Variants in GRID1 observed in about 807,000 individuals in gnomAD.
GRID1 encodes glutamate receptor ionotropic, delta-1.
In GRID1, 28 loss-of-function variants were observed where a neutral mutation model predicts 98.0. The ratio of observed to expected loss-of-function variants is 0.29; its 90% confidence interval spans 0.21 to 0.39. The LOEUF (loss-of-function observed/expected upper bound fraction) is 0.39. Ranked by LOEUF, GRID1 falls within the 10% of genes least tolerant of loss-of-function variation. The probability of loss-of-function intolerance (pLI) is 1.00; values close to 1 mark genes in which losing one functional copy is unlikely to be tolerated. For synonymous variants in GRID1, 553 were observed against 538.5 expected (o/e 1.03, Z -0.37); for missense variants, 1,111 against 1,340.5 (o/e 0.83, Z 2.67).
At chr10:86,289,524 A>G (rs551810025) in intron 2 of GRID1, among the ~76,000 whole-genome samples, 110 of 147,310 alleles carry the variant, frequency 7.5e-4, no homozygotes, top group Admixed American at 1.7e-3. Context: ...CATGCCCCCA[A>G]CTGCCCCGTG....
chr10:86,331,246 C>T (rs1848137185), intron 2 of GRID1, among the ~76,000 whole-genome samples: 1 of 152,196 alleles, frequency 6.6e-6, no homozygotes, highest in Non-Finnish European at 1.5e-5. Flanking sequence ...TTAAGTGGCT[C>T]CTAGGTTCTC....
chr10:85,642,658 A>G (rs1369051141), intron 13 of GRID1, among the ~76,000 whole-genome samples: 1 of 152,204 alleles, frequency 6.6e-6, no homozygotes, highest in Non-Finnish European at 1.5e-5. Context: ...ATAAATAAAA[A>G]TTCCCTCCTG....
intron 8 of GRID1, among the ~76,000 whole-genome samples, chr10:85,785,981 CACAG>C (rs1429646329): frequency 6.6e-6 from 1 of 151,924 alleles, no homozygotes; most frequent in African/African-American, 2.4e-5. Context: ...CCACACACTA[CACAG>C]ACACACACAC....
intron 4 of GRID1, among the ~76,000 whole-genome samples, chr10:86,131,214 C>T (rs80048129): frequency 0.055 from 8,380 of 152,188 alleles, 300 homozygotes; most frequent in East Asian, 0.13. Flanking sequence ...ACAGCTTCCC[C>T]GCTGAGCTCC....
At chr10:86,273,902 A>G (rs1847226496) in intron 2 of GRID1, among the ~76,000 whole-genome samples, 1 of 151,660 alleles carries the variant, frequency 6.6e-6, no homozygotes, top group South Asian at 2.1e-4. Context: ...GCTGTGCAGA[A>G]GCTCTTTAGT....
chr10:85,804,689 T>C (rs2132756544), intron 8 of GRID1, among the ~76,000 whole-genome samples: 2 of 151,902 alleles, frequency 1.3e-5, no homozygotes, highest in South Asian at 2.1e-4. Context: ...AAAAAATCAG[T>C]CAATATAATT....
At chr10:86,049,552 C>T (rs955464122) in intron 4 of GRID1, among the ~76,000 whole-genome samples, 3 of 152,202 alleles carry the variant, frequency 2.0e-5, no homozygotes, top group African/African-American at 4.8e-5. Context: ...TGCTTAATCC[C>T]TGGATAAGGC....
chr10:86,168,907 A>T (rs578029398), intron 3 of GRID1, among the ~76,000 whole-genome samples: 8 of 152,170 alleles, frequency 5.3e-5, no homozygotes, highest in Non-Finnish European at 1.0e-4. Flanking sequence ...TATGAGCTGG[A>T]CCTTGTGAGT....
At chr10:85,889,767 A>C (rs1176790139) in intron 5 of GRID1, among the ~76,000 whole-genome samples, 1 of 152,326 alleles carries the variant, frequency 6.6e-6, no homozygotes, top group Non-Finnish European at 1.5e-5. Flanking sequence ...ACTGTTTTCC[A>C]TAATGATTGT....
chr10:85,768,394 G>A (rs941096144), intron 8 of GRID1, among the ~76,000 whole-genome samples: 4 of 126,218 alleles, frequency 3.2e-5, no homozygotes, highest in African/African-American at 9.2e-5. Context: ...ATTGGACTAC[G>A]TGAAAACCTT....
intron 2 of GRID1, among the ~76,000 whole-genome samples, chr10:86,280,965 C>T (rs565431220): frequency 2.0e-5 from 3 of 152,352 alleles, no homozygotes; most frequent in Admixed American, 6.5e-5. Flanking sequence ...AGAAGCGCTC[C>T]CTGATTCTAC....
intron 8 of GRID1, among the ~76,000 whole-genome samples, chr10:85,790,253 G>A (rs1842466335): frequency 6.6e-6 from 1 of 152,184 alleles, no homozygotes; most frequent in South Asian, 2.1e-4. Flanking sequence ...CTGAATCCAT[G>A]ACTGGCAGAT....
chr10:85,838,588 G>C (rs1241407130), intron 8 of GRID1, among the ~76,000 whole-genome samples: 1 of 152,034 alleles, frequency 6.6e-6, no homozygotes, highest in Non-Finnish European at 1.5e-5. Context: ...AGCATTTTCA[G>C]ATAAGAAAAT....
chr10:85,661,650 C>G (rs911453426), intron 12 of GRID1, among the ~76,000 whole-genome samples: 1 of 152,186 alleles, frequency 6.6e-6, no homozygotes, highest in African/African-American at 2.4e-5. Flanking sequence ...CCACAATGCA[C>G]CCAGTGGGGC....
chr10:85,857,167 T>A (rs1164111474), intron 6 of GRID1, among the ~76,000 whole-genome samples: 1 of 152,170 alleles, frequency 6.6e-6, no homozygotes, highest in Non-Finnish European at 1.5e-5. Flanking sequence ...GGGAACACAT[T>A]TGGGATTTGC....
intron 4 of GRID1, among the ~76,000 whole-genome samples, chr10:86,080,416 G>A (rs1324695797): frequency 0.17 from 2,249 of 13,304 alleles, 175 homozygotes; most frequent in Non-Finnish European, 0.21. Flanking sequence ...GGGAAGGGGA[G>A]GGGAGGGGAG....
At chr10:86,279,158 C>G (rs538669239) in intron 2 of GRID1, among the ~76,000 whole-genome samples, 1 of 152,132 alleles carries the variant, frequency 6.6e-6, no homozygotes, top group Admixed American at 6.5e-5. Context: ...CTCTCTTGCC[C>G]TCTTTCCACC....
At chr10:85,653,279 T>A (rs1590176060) in intron 12 of GRID1, among the ~76,000 whole-genome samples, 1 of 152,244 alleles carries the variant, frequency 6.6e-6, no homozygotes, top group East Asian at 1.9e-4. Flanking sequence ...AGAGCAAGGG[T>A]GAGCCAAAAT....
Position 86,334,669 on chromosome 10 carries a change from G to C in GRID1, c.235+29272C>G. On this transcript the variant is annotated intron_variant, in intron 2 of 15. Coordinates refer to ENST00000327946, the MANE Select transcript of GRID1 (RefSeq NM_017551.3). ...ACTTTCATCTGTGCTGGGTTCTGGG[G>C]ACATAGGGGAGAAAAATGCAGTCCC... Among the ~76,000 whole-genome samples, 2 of 152,192 alleles carry C rather than the reference G, an allele frequency of 1.3e-5. 1 individual carries two copies. Among genetic ancestry groups the C allele is most frequent in the Non-Finnish European group, 2.9e-5 (2 of 68,036 alleles).
Sources: allele counts gnomAD v4.1 joint callset (sites outside exome capture counted in the v4.1 genomes callset), GRCh38; gene constraint gnomAD v4.1.1; transcripts MANE v1.5; gene names NCBI Gene and HGNC (gene_info 2026-07-23, HGNC 2026-07-21).